SH2D4A: variants seen among roughly 807,000 people sequenced by gnomAD.
SH2D4A encodes the protein SH2 domain containing 4A.
In SH2D4A, 70 loss-of-function variants were observed where a neutral mutation model predicts 64.7. The ratio of observed to expected loss-of-function variants is 1.08; its 90% confidence interval spans 0.89 to 1.32. SH2D4A has a LOEUF of 1.32. Among genes scored for constraint, SH2D4A ranks in the 40% most tolerant of loss-of-function variants. The probability of loss-of-function intolerance (pLI) is 0.00; values close to 1 mark genes in which losing one functional copy is unlikely to be tolerated. For missense variants in SH2D4A, 706 were observed against 540.1 expected (o/e 1.31, Z -3.04); for synonymous variants, 268 against 200.7 (o/e 1.34, Z -2.83).
At chr8:19,393,264 G>A in intron 8 of SH2D4A, 54 bp from the exon 9 acceptor site, 2 of 1,526,214 alleles carry the variant, frequency 1.3e-6, no homozygotes, top group Non-Finnish European at 1.8e-6. Context: ...TTAACAGAGG[G>A]GATTTTCTGG....
chr8:19,313,980 G>A, intron 1 of SH2D4A, 157 bp downstream of exon 1: 2 of 1,253,620 alleles, frequency 1.6e-6, no homozygotes, highest in Non-Finnish European at 2.0e-6. Flanking sequence ...CCTTCGCGGC[G>A]CCCGGGGCGG....
Position 19,381,318 on chromosome 8 carries a change from G to T in SH2D4A, c.1048+7658G>T, listed in dbSNP as rs555590179. ...ACCTGCTTCAGCCTCCCAAAGTTCT[G>T]GGATTACAAGCATGAGCCACTGTGT... On this transcript the variant is annotated intron_variant, in intron 8 of 9. Coordinates refer to ENST00000265807, the MANE Select transcript of SH2D4A (RefSeq NM_022071.4). Among the ~76,000 whole-genome samples the T allele has an allele frequency of 9.2e-5, 14 of 152,242 alleles. No homozygotes were observed. The East Asian group carries it at 2.1e-3, about 23-fold the overall frequency.
chr8:19,369,289 C>G (rs1160308026), intron 7 of SH2D4A, among the ~76,000 whole-genome samples: 1 of 151,830 alleles, frequency 6.6e-6, no homozygotes, highest in African/African-American at 2.4e-5. Flanking sequence ...ATATTGGCCT[C>G]TAGATTTCTT....
intron 8 of SH2D4A, among the ~76,000 whole-genome samples, chr8:19,390,274 A>T (rs1177409633): frequency 1.3e-5 from 2 of 152,146 alleles, no homozygotes; most frequent in African/African-American, 4.8e-5. Context: ...CCAGCTACAC[A>T]GGAGGCTAAG....
chr8:19,383,249 C>A (rs139669570), intron 8 of SH2D4A, among the ~76,000 whole-genome samples: 2 of 152,096 alleles, frequency 1.3e-5, no homozygotes, highest in Non-Finnish European at 2.9e-5. Flanking sequence ...TTATTTTGTT[C>A]TTTCTGTTCC....
intron 4 of SH2D4A, 31 bp from the exon 5 acceptor site, chr8:19,357,172 A>G (rs763744894): frequency 1.9e-6 from 3 of 1,544,982 alleles, no homozygotes; most frequent in East Asian, 2.2e-5. Context: ...GCAGCTCCAA[A>G]TGCCATAAAT....
intron 4 of SH2D4A, among the ~76,000 whole-genome samples, chr8:19,342,614 A>T (rs1336896827): frequency 6.6e-6 from 1 of 152,038 alleles, no homozygotes; most frequent in Non-Finnish European, 1.5e-5. Flanking sequence ...TCCTGTTCCG[A>T]GTGGGGGGAT....
Position 19,395,071 on chromosome 8 carries a change from A to C in SH2D4A, c.*429A>C, listed in dbSNP as rs1220334283. On this transcript the variant is annotated 3_prime_UTR_variant, in exon 10 of 10. Transcript: ENST00000265807. ...TTTCGAAGTTTCATGTTGGCTTTGG[A>C]ATGGTAGCAAAAGCCTTTCCTGGCT... 1.3e-5 allele frequency: 2 copies of C among 152,656 alleles called. No individual in the cohort carries two copies. The highest frequency in any genetic ancestry group is 4.8e-5 in the African/African-American group (2 of 41,472). 9.5% of individuals were successfully genotyped at this position (152,656 alleles called of 1,614,324 possible).
intron 4 of SH2D4A, among the ~76,000 whole-genome samples, chr8:19,345,311 T>G (rs531824720): frequency 1.3e-5 from 2 of 150,946 alleles, no homozygotes; most frequent in African/African-American, 4.9e-5. Flanking sequence ...GACTTCTCAG[T>G]AGTTTCACTC....
At chr8:19,387,640 GGAAA>G (rs1482510183) in intron 8 of SH2D4A, among the ~76,000 whole-genome samples, 1 of 152,312 alleles carries the variant, frequency 6.6e-6, no homozygotes, top group South Asian at 2.1e-4. Flanking sequence ...TTATGCCAAG[GGAAA>G]GTAAGTAAGT....
intron 8 of SH2D4A, among the ~76,000 whole-genome samples, chr8:19,380,140 C>A (rs1228318238): frequency 6.6e-6 from 1 of 152,086 alleles, no homozygotes; most frequent in Non-Finnish European, 1.5e-5. Context: ...TAATGTTGAG[C>A]ACCTTTTCAT....
intron 2 of SH2D4A, among the ~76,000 whole-genome samples, chr8:19,320,402 G>C (rs1285471716): frequency 6.6e-6 from 1 of 151,994 alleles, no homozygotes; most frequent in East Asian, 1.9e-4. Context: ...CGAGGTAGGA[G>C]GATCACTTGA....
chr8:19,387,720 A>C (rs1419368845), intron 8 of SH2D4A, among the ~76,000 whole-genome samples: 1 of 152,134 alleles, frequency 6.6e-6, no homozygotes, highest in Non-Finnish European at 1.5e-5. Context: ...TCTCCCCATT[A>C]ATTACTTGTG....
intron 5 of SH2D4A, among the ~76,000 whole-genome samples, chr8:19,357,826 A>T (rs898819231): frequency 6.6e-6 from 1 of 152,132 alleles, no homozygotes; most frequent in Admixed American, 6.5e-5. Flanking sequence ...AAATTGCTCA[A>T]AATAAATGAG....
At chr8:19,351,180 C>T (rs7015405) in intron 4 of SH2D4A, among the ~76,000 whole-genome samples, 38,999 of 152,044 alleles carry the variant, frequency 0.26, 6,009 homozygotes, top group African/African-American at 0.43. Context: ...CATTGGGAAA[C>T]TGCCTTTTTG....
At chr8:19,345,019 G>C (rs1178858995) in intron 4 of SH2D4A, among the ~76,000 whole-genome samples, 1 of 152,190 alleles carries the variant, frequency 6.6e-6, no homozygotes, top group African/African-American at 2.4e-5. Flanking sequence ...GTAATATAAT[G>C]AGAGCAAGTG....
chr8:19,382,572 A>G (rs908767049), intron 8 of SH2D4A, among the ~76,000 whole-genome samples: 7 of 152,144 alleles, frequency 4.6e-5, no homozygotes, highest in African/African-American at 1.7e-4. Context: ...GACCATGTTT[A>G]AGGTAGGCTA....
At chr8:19,358,550 T>C (rs1265035571) in intron 5 of SH2D4A, among the ~76,000 whole-genome samples, 2 of 152,062 alleles carry the variant, frequency 1.3e-5, no homozygotes, top group Admixed American at 6.6e-5. Context: ...GTCTAAGCCA[T>C]GTGGATGTCT....
intron 5 of SH2D4A, among the ~76,000 whole-genome samples, chr8:19,359,484 A>T (rs1481408865): frequency 6.6e-6 from 1 of 152,238 alleles, no homozygotes; most frequent in Non-Finnish European, 1.5e-5. Context: ...ACACGTATGC[A>T]TGTGGAAGGA....
Sources: allele counts gnomAD v4.1 joint callset (sites outside exome capture counted in the v4.1 genomes callset), GRCh38; gene constraint gnomAD v4.1.1; transcripts MANE v1.5; gene names NCBI Gene and HGNC (gene_info 2026-07-23, HGNC 2026-07-21).